Variants in NDST1 observed in about 807,000 individuals in gnomAD.
NDST1 encodes bifunctional heparan sulfate N-deacetylase/N-sulfotransferase 1.
NDST1 carries 35 observed loss-of-function variants against 92.8 expected under a neutral mutation model. The observed-to-expected ratio is 0.38, with a 90% CI of 0.29 to 0.50. NDST1 has a LOEUF of 0.50. NDST1 is among the 20% of genes least tolerant of loss of function. NDST1 has a pLI of 0.94. For missense variants in NDST1, 822 were observed against 1,182.7 expected (o/e 0.69, Z 4.47); for synonymous variants, 493 against 500.3 (o/e 0.99, Z 0.19).
rs528790164 is a variant in NDST1, at chr5:150,510,111, A to C, written c.-388+1885A>C. On this transcript the variant is annotated intron_variant, in intron 1 of 14. Coordinates refer to ENST00000261797, the MANE Select transcript of NDST1 (RefSeq NM_001543.5). The stretch of plus-strand genomic sequence containing the variant: ...AGCTCCACCTCTGCCCAGCTGTGTG[A>C]CTTCGAGCGGTTGCTTACCCTCTCT... Among the ~76,000 whole-genome samples the C allele has an allele frequency of 3.9e-5, 6 of 152,244 alleles. No homozygotes were observed. In the South Asian group the frequency reaches 1.2e-3, roughly 32 times the overall value.
At chr5:150,527,174 C>T (rs1754512022) in intron 2 of NDST1, among the ~76,000 whole-genome samples, 1 of 152,324 alleles carries the variant, frequency 6.6e-6, no homozygotes, top group East Asian at 1.9e-4. Context: ...CTCTTGGCAG[C>T]GATTCATAGC....
Position 150,553,331 on chromosome 5 carries a change from A to C in NDST1, c.2648A>C (p.Ter883SerextTer8). The C allele has an allele frequency of 6.2e-7, 1 of 1,612,800 alleles. No homozygotes were observed. The highest frequency in any genetic ancestry group is 8.5e-7 in the Non-Finnish European group (1 of 1,179,076). Residue 883 changes from the stop codon to serine (S), a stop_lost, in exon 15 of 15, where the codon TAG becomes TCG. Coordinates refer to ENST00000261797, the MANE Select transcript of NDST1 (RefSeq NM_001543.5). This position sits in a 1 kb window ranked among gnomAD's most constrained non-coding sequence, Gnocchi z 4.2. ...CGAGAGGACCTCCAGAACACCAGGT[A>C]GCCGTGGCCACCACAGCCAGACTGA... Reference protein sequence around the residue: ...WLREDLQNTR* With the variant: ...WLREDLQNTRS
chr5:150,551,384 G>C (rs188053929), intron 13 of NDST1, among the ~76,000 whole-genome samples: 2 of 151,938 alleles, frequency 1.3e-5, no homozygotes, highest in Non-Finnish European at 2.9e-5. Flanking sequence ...GGTAAAGAAG[G>C]CTTCTTGGGT....
chr5:150,522,246 C>T (rs1754271304), intron 2 of NDST1, among the ~76,000 whole-genome samples: 1 of 152,080 alleles, frequency 6.6e-6, no homozygotes, highest in African/African-American at 2.4e-5. Context: ...CTATCCCATG[C>T]TCTTCCCTCT....
intron 12 of NDST1, 54 bp downstream of exon 12, chr5:150,548,442 G>A (rs1191457684): frequency 6.3e-7 from 1 of 1,584,738 alleles, no homozygotes; most frequent in Non-Finnish European, 8.5e-7. Flanking sequence ...GCTTGCTGTG[G>A]TTAGCGGAGA....
In NDST1 at chr5:150,521,518, T is replaced by C; in HGVS notation, c.264T>C (p.Phe88=). The part of the protein sequence containing the change: ...PSRTDPLVLV[F]VESLYSQLGQ... ...GCACAGACCCGTTGGTGCTGGTCTT[T>C]GTGGAGAGCCTCTACTCGCAACTGG... Residue 88 remains phenylalanine, a synonymous_variant, in exon 2 of 15, where the codon TTT becomes TTC. Coordinates refer to ENST00000261797, the MANE Select transcript of NDST1 (RefSeq NM_001543.5). The surrounding 1 kb of genome is among the most constrained non-coding windows in gnomAD (Gnocchi z 5.9). 1 of 1,613,946 alleles carries C rather than the reference T, an allele frequency of 6.2e-7. No individual in the cohort carries two copies.
chr5:150,505,687 G>A (rs1162232126), upstream of NDST1, among the ~76,000 whole-genome samples: 2 of 152,160 alleles, frequency 1.3e-5, no homozygotes, highest in Admixed American at 1.3e-4. Context: ...TGCAGAGGTC[G>A]GTTATGCTCC....
chr5:150,531,904 G>A (rs529549849), intron 3 of NDST1, among the ~76,000 whole-genome samples: 2 of 152,352 alleles, frequency 1.3e-5, no homozygotes, highest in South Asian at 4.1e-4. Context: ...GACTCGAAGA[G>A]TACTGGGTGC....
At chr5:150,537,203 A>C (rs1487029698) in intron 6 of NDST1, among the ~76,000 whole-genome samples, 1 of 152,238 alleles carries the variant, frequency 6.6e-6, no homozygotes, top group South Asian at 2.1e-4. Context: ...TAACTGCACA[A>C]ATTGTTTAAA....
intron 2 of NDST1, among the ~76,000 whole-genome samples, chr5:150,523,948 G>T (rs984911121): frequency 5.3e-5 from 8 of 152,146 alleles, no homozygotes; most frequent in Non-Finnish European, 7.3e-5. Context: ...CCCTCTGGTG[G>T]TCAAGGCACA....
At chr5:150,535,599 G>T in intron 5 of NDST1, 101 bp from the exon 6 acceptor site, 1 of 1,443,622 alleles carries the variant, frequency 6.9e-7, no homozygotes, top group South Asian at 1.2e-5. Context: ...CAGCCATGCC[G>T]ACCTAACCTC....
chr5:150,538,496 T>C (rs1755092545), intron 6 of NDST1, among the ~76,000 whole-genome samples: 1 of 152,220 alleles, frequency 6.6e-6, no homozygotes. Context: ...GTGGCCATAC[T>C]CTGGGCTTAG....
chr5:150,527,822 C>T lies in NDST1; in HGVS notation c.532C>T (p.Leu178=). The T allele has an allele frequency of 6.2e-7, 1 of 1,614,070 alleles. No individual in the cohort carries two copies. The highest frequency in any genetic ancestry group is 8.5e-7 in the Non-Finnish European group (1 of 1,180,030). Residue 178 remains leucine (L), a synonymous_variant, in exon 3 of 15, where the codon CTG becomes TTG. Transcript: ENST00000261797. Reference sequence around the variant, plus strand: ...ACTGCAGGCCAATGAGAACAGCCTGCTGAGTGCGCAGCTCAAGGGCTTCCC... The same window carrying T: ...ACTGCAGGCCAATGAGAACAGCCTGTTGAGTGCGCAGCTCAAGGGCTTCCC... ...GFFKANENSL[L]SAQLKGFPLF... is the part of the protein sequence containing the mutation.
At chr5:150,535,137 T>C in intron 5 of NDST1, 116 bp downstream of exon 5, 1 of 1,460,012 alleles carries the variant, frequency 6.8e-7, no homozygotes, top group Non-Finnish European at 9.3e-7. Flanking sequence ...TACTAACACC[T>C]CTGGGCCAGG....
chr5:150,527,875 G>A lies in NDST1; in HGVS notation c.585G>A (p.Leu195=), dbSNP rs372639097. Residue 195 remains leucine (L), a synonymous_variant, in exon 3 of 15, where the codon CTG becomes CTA. Transcript: ENST00000261797. The part of the protein sequence containing the change: ...FPLFLHSNLG[L]KDCSINPKSP... ...TGTTCCTGCACTCAAACCTGGGCCT[G>A]AAGGACTGCAGCATCAACCCCAAGT... 1.1e-5 allele frequency: 18 copies of A among 1,614,042 alleles called. No homozygotes were observed. The highest frequency in any genetic ancestry group is 1.7e-5 in the Admixed American group (1 of 60,010).
intron 9 of NDST1, among the ~76,000 whole-genome samples, chr5:150,542,278 A>T (rs761080295): frequency 6.6e-6 from 1 of 152,200 alleles, no homozygotes; most frequent in African/African-American, 2.4e-5. Context: ...TCATTATAGC[A>T]TGTAAACCAT....
intron 6 of NDST1, among the ~76,000 whole-genome samples, chr5:150,538,556 G>T (rs142322687): frequency 6.8e-4 from 103 of 152,350 alleles, no homozygotes; most frequent in Non-Finnish European, 1.4e-3. Flanking sequence ...GTGGGAGGAA[G>T]AGAGGAGTCC....
intron 1 of NDST1, among the ~76,000 whole-genome samples, chr5:150,516,678 T>C (rs1581356712): frequency 6.6e-6 from 1 of 152,112 alleles, no homozygotes; most frequent in African/African-American, 2.4e-5. Context: ...TGATATATAT[T>C]TTTTTGAGAC....
intron 1 of NDST1, among the ~76,000 whole-genome samples, chr5:150,515,916 G>C (rs1753939428): frequency 6.6e-6 from 1 of 152,178 alleles, no homozygotes; most frequent in Admixed American, 6.5e-5. Flanking sequence ...CCCTTTGCCA[G>C]CCGGCTGAGT....
Sources: gnomAD v4.1 joint callset for allele counts (sites outside exome capture counted in the v4.1 genomes callset) on GRCh38, gnomAD v4.1.1 for gene constraint, Gnocchi (gnomAD v3.1) non-coding constraint, MANE v1.5 for transcripts, NCBI Gene and HGNC (gene_info 2026-07-23, HGNC 2026-07-21) for gene names.